SYNE1: variants seen among roughly 807,000 people sequenced by gnomAD.
The protein encoded by SYNE1 is nesprin-1.
In SYNE1, 616 loss-of-function variants were observed where a neutral mutation model predicts 1,111.0. The ratio of observed to expected loss-of-function variants is 0.55; its 90% confidence interval spans 0.52 to 0.59. The LOEUF (loss-of-function observed/expected upper bound fraction) is 0.59, where lower values mean the gene tolerates loss of function less well. Among genes scored for constraint, SYNE1 ranks in the 20% least tolerant of loss-of-function variants. The pLI, the probability that SYNE1 is intolerant of heterozygous loss-of-function variation, is 0.00. For synonymous variants in SYNE1, 3,855 were observed against 3,825.8 expected, an observed-to-expected ratio of 1.01 and a Z score of -0.28; for missense variants, 10,006 against 10,417.0, an observed-to-expected ratio of 0.96 and a Z score of 1.72.
chr6:152,176,316 T>C, intron 130 of SYNE1, 78 bp downstream of exon 130: 1 of 1,586,776 alleles, frequency 6.3e-7, no homozygotes, highest in Non-Finnish European at 8.6e-7. Flanking sequence ...TATTGGATTA[T>C]CTTTGGCTGA....
At position 152,331,488 on chromosome 6, in the gene SYNE1, C is replaced by T. The variant is rs1315703560; in HGVS notation, c.13197G>A (p.Met4399Ile). Residue 4399 changes from methionine to isoleucine, a missense_variant, in exon 78 of 146, where the codon ATG becomes ATA. Transcript: ENST00000367255. ...CGTCCTTTATAAGCGATTTCAGGAG[C>T]ATCTGCTTGGCCTCCAGTTCACTGC... is the stretch of plus-strand genomic sequence containing the variant. ...AICSELEAKQ[M>I]LLKSLIKDAD... 5.6e-6 allele frequency: 9 copies of T among 1,614,082 alleles called. No individual in the cohort carries two copies. The highest frequency in any genetic ancestry group is 6.8e-6 in the Non-Finnish European group (8 of 1,179,986).
At chr6:152,149,346 C>A in intron 136 of SYNE1, 131 bp downstream of exon 136, 1 of 1,079,702 alleles carries the variant, frequency 9.3e-7, no homozygotes, top group Admixed American at 2.0e-5. Context: ...CAATGTAGGA[C>A]AAAGCTAGGA....
Position 152,218,277 on chromosome 6 carries a change from C to T in SYNE1, c.22171G>A (p.Glu7391Lys), listed in dbSNP as rs751761981. ...SHSSDLSTIQERMEELKGQML... is the reference protein window; with the variant it reads ...SHSSDLSTIQKRMEELKGQML... The stretch of plus-strand genomic sequence containing the variant: ...CTTACCTTAAGTTCTTCCATCCTTT[C>T]CTGGATTGTGGAGAGGTCAGATGAG... The change falls in exon 121 of 146, where the codon GAA becomes AAA. Residue 7391 changes from glutamate (E) to lysine (K), a missense_variant. Transcript: ENST00000367255. 13 of 1,613,946 alleles carry T rather than the reference C, an allele frequency of 8.1e-6. No homozygotes were observed. The Admixed American group carries it at 2.2e-4, about 27-fold the overall frequency.
chr6:152,454,605 A>C (rs2098680733), intron 24 of SYNE1, among the ~76,000 whole-genome samples: 1 of 152,230 alleles, frequency 6.6e-6, no homozygotes, highest in African/African-American at 2.4e-5. Context: ...AAGACAATAC[A>C]CATGCACATA....
chr6:152,168,834 C>G (rs1202106533), intron 130 of SYNE1, among the ~76,000 whole-genome samples: 1 of 152,066 alleles, frequency 6.6e-6, no homozygotes, highest in East Asian at 1.9e-4. Flanking sequence ...ATATGCAAAA[C>G]TTTTGTCCTT....
chr6:152,279,743 A>G (rs2093915547), intron 97 of SYNE1, among the ~76,000 whole-genome samples: 1 of 151,238 alleles, frequency 6.6e-6, no homozygotes, highest in Non-Finnish European at 1.5e-5. Context: ...AAAAGAATAT[A>G]ACATCAAACC....
intron 3 of SYNE1, among the ~76,000 whole-genome samples, chr6:152,623,329 C>T (rs1744375): frequency 0.68 from 102,716 of 151,870 alleles, 34,820 homozygotes; most frequent in Non-Finnish European, 0.7. Context: ...CTCTTCCTTA[C>T]CCCATATACA....
In SYNE1 at chr6:152,244,594, C is replaced by T. The variant is rs147143947; in HGVS notation, c.19635G>A (p.Arg6545=). Residue 6545 remains arginine (R), a synonymous_variant, in exon 106 of 146, where the codon AGG becomes AGA. Transcript: ENST00000367255. The stretch of plus-strand genomic sequence containing the variant: ...GCTCGACCTGTAGCTTGTCACCACG[C>T]CTCTTTAATTCAATGATTCCTGCAT... ...EFDAGIIELK[R]RGDKLQVEQP... is the part of the protein sequence containing the mutation. 1 of 1,614,064 alleles carries T rather than the reference C, an allele frequency of 6.2e-7. No homozygotes were observed. Among genetic ancestry groups the T allele is most frequent in the Non-Finnish European group, 8.5e-7 (1 of 1,179,972 alleles).
intron 127 of SYNE1, among the ~76,000 whole-genome samples, chr6:152,197,501 A>T (rs989731793): frequency 1.3e-5 from 2 of 152,328 alleles, no homozygotes; most frequent in Middle Eastern, 3.4e-3. Context: ...AAATAATAAG[A>T]CTTGGAAGTT....
chr6:152,361,838 G>T (rs1302523097), intron 64 of SYNE1, among the ~76,000 whole-genome samples: 2 of 123,582 alleles, frequency 1.6e-5, no homozygotes, highest in South Asian at 2.6e-4. Context: ...AACACAAAGG[G>T]ATGTGATAAA....
chr6:152,377,875 C>T (rs947702686), intron 56 of SYNE1, among the ~76,000 whole-genome samples: 4 of 151,586 alleles, frequency 2.6e-5, no homozygotes, highest in Admixed American at 2.0e-4. Context: ...AGTCCCCCCA[C>T]GAATAAAGGT....
Position 152,251,359 on chromosome 6 carries a change from A to C in SYNE1, c.19471-2097T>G, listed in dbSNP as rs190485840. Among the ~76,000 whole-genome samples the C allele has an allele frequency of 4.3e-4, 66 of 152,338 alleles. 1 individual carries two copies. Among genetic ancestry groups the C allele is most frequent in the African/African-American group, 1.5e-3 (64 of 41,568 alleles). ...GAAGTCAGACTGATTATTGGGAGAG[A>C]CTAGTCAAGAAGATAGTAAAGCAAA... On this transcript the variant is annotated intron_variant, in intron 104 of 145. Coordinates refer to ENST00000367255, the MANE Select transcript of SYNE1 (RefSeq NM_182961.4).
chr6:152,628,364 A>G lies in SYNE1; in HGVS notation c.-33T>C, dbSNP rs772342512. Reference sequence around the variant, plus strand: ...CCGGAAGCACGAAGCCAACACCAAGAGACTCTTCACTGGAGGCAGCACAGG... The same window carrying G: ...CCGGAAGCACGAAGCCAACACCAAGGGACTCTTCACTGGAGGCAGCACAGG... On this transcript the variant is annotated 5_prime_UTR_variant, in exon 3 of 146. Transcript: ENST00000367255. The G allele has an allele frequency of 2.2e-5, 36 of 1,610,920 alleles. No individual in the cohort carries two copies. The highest frequency in any genetic ancestry group is 3.1e-5 in the Non-Finnish European group (36 of 1,177,258).
Position 152,309,823 on chromosome 6 carries a change from C to T in SYNE1, c.17202+12G>A, listed in dbSNP as rs1337818095. On this transcript the variant is annotated intron_variant, in intron 90 of 145. Transcript: ENST00000367255. ...AGCAATTGCTCTACTGGTGTGGGTA[C>T]CCTGCACCTGCCTGCATGATGTTAC... The T allele has an allele frequency of 1.2e-6, 2 of 1,613,234 alleles. No individual in the cohort carries two copies. Among genetic ancestry groups the T allele is most frequent in the Non-Finnish European group, 8.5e-7 (1 of 1,180,022 alleles).
chr6:152,571,953 C>A (rs2099462392), intron 3 of SYNE1, among the ~76,000 whole-genome samples: 1 of 151,950 alleles, frequency 6.6e-6, no homozygotes, highest in Non-Finnish European at 1.5e-5. Flanking sequence ...AATTTCCTTG[C>A]CAGGAAATTA....
At chr6:152,517,572 G>T (rs2099118273) in intron 6 of SYNE1, among the ~76,000 whole-genome samples, 1 of 152,140 alleles carries the variant, frequency 6.6e-6, no homozygotes, top group African/African-American at 2.4e-5. Context: ...AAAAATACTA[G>T]AAACAACCCA....
chr6:152,267,048 A>G (rs1418330193), intron 100 of SYNE1, among the ~76,000 whole-genome samples: 1 of 152,178 alleles, frequency 6.6e-6, no homozygotes, highest in Non-Finnish European at 1.5e-5. Flanking sequence ...ATACGGTTAC[A>G]TCACTTTTGG....
chr6:152,283,557 G>C (rs112914912), intron 96 of SYNE1, among the ~76,000 whole-genome samples: 4,954 of 152,134 alleles, frequency 0.033, 255 homozygotes, highest in African/African-American at 0.11. Context: ...GCTTTTTTGA[G>C]ACAGAGTCTC....
chr6:152,249,046 T>C (rs1371065663), intron 105 of SYNE1, 115 bp downstream of exon 105: 1 of 765,300 alleles, frequency 1.3e-6, no homozygotes, highest in Non-Finnish European at 2.3e-6. Context: ...ACAAAAATAC[T>C]ACAAACAAAA....
Sources: gnomAD v4.1 joint callset for allele counts (sites outside exome capture counted in the v4.1 genomes callset) on GRCh38, gnomAD v4.1.1 for gene constraint, MANE v1.5 for transcripts, NCBI Gene and HGNC (gene_info 2026-07-23, HGNC 2026-07-21) for gene names.